Variants in TRPM3 observed in about 807,000 individuals in gnomAD.
TRPM3 encodes the protein long transient receptor potential channel 3.
Under a neutral mutation model 181.2 loss-of-function variants are expected in TRPM3, and 77 were observed. The ratio of observed to expected loss-of-function variants is 0.42; its 90% CI spans 0.35 to 0.51. TRPM3 has a LOEUF of 0.51. TRPM3 is among the 20% of genes least tolerant of loss of function. The pLI, the probability that TRPM3 is intolerant of heterozygous loss-of-function variation, is 0.01. For synonymous variants in TRPM3, 745 were observed against 796.4 expected, an observed-to-expected ratio of 0.94 and a Z score of 1.09; for missense variants, 1,759 against 2,196.7, an observed-to-expected ratio of 0.80 and a Z score of 3.98.
chr9:70,544,767 T>C (rs1330828229), intron 25 of TRPM3, among the ~76,000 whole-genome samples: 1 of 151,358 alleles, frequency 6.6e-6, no homozygotes, highest in Non-Finnish European at 1.5e-5. Flanking sequence ...AAAAGAAAAA[T>C]TTTATAGTAA....
chr9:70,950,889 G>C (rs960397452), intron 1 of TRPM3, among the ~76,000 whole-genome samples: 3 of 151,992 alleles, frequency 2.0e-5, no homozygotes, highest in Non-Finnish European at 4.4e-5. Context: ...TTAGCTTGTG[G>C]GAAACCCTTG....
At chr9:71,359,032 G>A (rs919272365) in intron 1 of TRPM3, among the ~76,000 whole-genome samples, 4 of 152,296 alleles carry the variant, frequency 2.6e-5, no homozygotes, top group Admixed American at 2.0e-4. Context: ...TGATGATATA[G>A]TGCCTCACTG....
intron 1 of TRPM3, among the ~76,000 whole-genome samples, chr9:70,908,055 C>T (rs2096491387): frequency 6.6e-6 from 1 of 152,014 alleles, no homozygotes; most frequent in African/African-American, 2.4e-5. Context: ...ATTTATTTTC[C>T]TTTGTGTATC....
intron 1 of TRPM3, among the ~76,000 whole-genome samples, chr9:71,138,811 C>G (rs1032916979): frequency 1.3e-5 from 2 of 152,130 alleles, no homozygotes; most frequent in Admixed American, 1.3e-4. Flanking sequence ...GGTGTACTTA[C>G]AACTTACATT....
intron 20 of TRPM3, among the ~76,000 whole-genome samples, chr9:70,601,478 A>G (rs1292587743): frequency 2.6e-5 from 4 of 152,142 alleles, no homozygotes; most frequent in Non-Finnish European, 4.4e-5. Flanking sequence ...AGAGGCAGGA[A>G]GGGCATGGCC....
At chr9:71,434,691 T>C (rs1051627150) in intron 1 of TRPM3, among the ~76,000 whole-genome samples, 2 of 152,224 alleles carry the variant, frequency 1.3e-5, no homozygotes, top group African/African-American at 2.4e-5. Context: ...CACAAAGCCA[T>C]ACTTCCCTAA....
chr9:70,578,455 A>G (rs10868854), intron 22 of TRPM3, among the ~76,000 whole-genome samples: 59,569 of 152,154 alleles, frequency 0.39, 12,439 homozygotes, highest in East Asian at 0.53. Flanking sequence ...CTTCATAGCA[A>G]TGATAGCTTA....
chr9:71,426,323 T>G (rs1463197401), intron 1 of TRPM3, among the ~76,000 whole-genome samples: 1 of 152,156 alleles, frequency 6.6e-6, no homozygotes, highest in Non-Finnish European at 1.5e-5. Flanking sequence ...TGAGGTTTTT[T>G]TAATGGTCTG....
At chr9:70,817,838 A>G (rs1030122643) in intron 6 of TRPM3, among the ~76,000 whole-genome samples, 1 of 152,056 alleles carries the variant, frequency 6.6e-6, no homozygotes. Flanking sequence ...ATAAAAATAA[A>G]TATGTCATAT....
chr9:70,607,437 T>C (rs1248832881), intron 19 of TRPM3, among the ~76,000 whole-genome samples: 1 of 151,480 alleles, frequency 6.6e-6, no homozygotes, highest in Admixed American at 6.6e-5. Context: ...TGGAGAATCA[T>C]GTAAACACAA....
intron 1 of TRPM3, among the ~76,000 whole-genome samples, chr9:71,428,380 G>A (rs1282379273): frequency 2.0e-5 from 3 of 151,782 alleles, no homozygotes; most frequent in Non-Finnish European, 2.9e-5. Context: ...ACAGGCGTGA[G>A]CCACCACGCC....
intron 1 of TRPM3, among the ~76,000 whole-genome samples, chr9:71,296,326 A>T (rs2086255632): frequency 6.6e-6 from 1 of 152,158 alleles, no homozygotes; most frequent in Non-Finnish European, 1.5e-5. Context: ...AGACGGAAAA[A>T]TAATAAACAA....
chr9:71,444,319 TA>T (rs962695938), intron 1 of TRPM3, among the ~76,000 whole-genome samples: 20 of 152,210 alleles, frequency 1.3e-4, no homozygotes, highest in African/African-American at 4.6e-4. Context: ...AATGTCACAT[TA>T]AAAAAACAAT....
At chr9:70,797,464 C>T (rs930558432) in intron 6 of TRPM3, among the ~76,000 whole-genome samples, 4 of 152,100 alleles carry the variant, frequency 2.6e-5, no homozygotes, top group Non-Finnish European at 5.9e-5. Flanking sequence ...AGGAAAAGCC[C>T]ACTCCTTTAG....
In TRPM3 at chr9:71,225,946, G is replaced by A. The variant is rs145408734; in HGVS notation, c.183+220707C>T. Among the ~76,000 whole-genome samples, 94 of 130,058 alleles carry A rather than the reference G, an allele frequency of 7.2e-4. 1 individual carries two copies. In the East Asian group the frequency reaches 0.021, roughly 29 times the overall value. The allele number at this position is 130,058 out of a possible 152,430, so 85.3% of individuals were successfully genotyped here. A position where few individuals can be genotyped will look rare whatever the true frequency, so the allele number is the denominator to read the frequency against. ...TGCTGGATTACAGGCATGAGTTACC[G>A]CACCCAGCCTACTTTTCAAGACATA... On this transcript the variant is annotated intron_variant, in intron 1 of 24. Transcript: ENST00000357533.
chr9:71,053,776 C>T (rs1591017023), intron 1 of TRPM3, among the ~76,000 whole-genome samples: 1 of 152,080 alleles, frequency 6.6e-6, no homozygotes, highest in Non-Finnish European at 1.5e-5. Context: ...GCCAGACCAG[C>T]GGATGCAATG....
At chr9:70,817,275 C>G (rs55905211) in intron 6 of TRPM3, among the ~76,000 whole-genome samples, 4 of 152,024 alleles carry the variant, frequency 2.6e-5, no homozygotes, top group Non-Finnish European at 5.9e-5. Context: ...ACTGTGCCTT[C>G]GAAAGGAAGG....
chr9:70,794,647 C>T (rs1346144994), intron 6 of TRPM3, among the ~76,000 whole-genome samples: 2 of 152,186 alleles, frequency 1.3e-5, no homozygotes, highest in Non-Finnish European at 2.9e-5. Flanking sequence ...TCAGTTTCTG[C>T]TTTCTAGGTC....
chr9:71,230,660 A>G (rs1316259042), intron 1 of TRPM3, among the ~76,000 whole-genome samples: 1 of 152,136 alleles, frequency 6.6e-6, no homozygotes, highest in African/African-American at 2.4e-5. Flanking sequence ...CAGCAGAACA[A>G]TTTCTGCCCC....
Sources: allele counts gnomAD v4.1 joint callset (sites outside exome capture counted in the v4.1 genomes callset), GRCh38; gene constraint gnomAD v4.1.1; transcripts MANE v1.5; gene names NCBI Gene and HGNC (gene_info 2026-07-23, HGNC 2026-07-21).